Variants in LRRC4C observed in about 807,000 individuals in gnomAD.
LRRC4C encodes leucine rich repeat containing 4C.
A neutral mutation model predicts 33.6 loss-of-function variants in LRRC4C; 5 were observed. That is an observed-to-expected ratio of 0.15 (90% confidence interval 0.08 to 0.31). LRRC4C has a LOEUF of 0.31. LRRC4C is among the 10% of genes least tolerant of loss of function. LRRC4C has a pLI of 1.00. For missense variants in LRRC4C, 560 were observed against 796.7 expected, an observed-to-expected ratio of 0.70 and a Z score of 3.58; for synonymous variants, 329 against 302.0, an observed-to-expected ratio of 1.09 and a Z score of -0.93.
intron 1 of LRRC4C, among the ~76,000 whole-genome samples, chr11:41,123,612 C>A (rs1189604937): frequency 6.6e-6 from 1 of 152,050 alleles, no homozygotes; most frequent in Non-Finnish European, 1.5e-5. Flanking sequence ...CTGGTTCTAG[C>A]TTTGTCCTCA....
At chr11:40,960,895 C>T (rs531012330) in intron 1 of LRRC4C, among the ~76,000 whole-genome samples, 25 of 151,794 alleles carry the variant, frequency 1.6e-4, no homozygotes, top group Middle Eastern at 3.4e-3. Context: ...GGAAGTTCCA[C>T]GAACAGCTCA....
chr11:41,101,585 G>A (rs1050352488), intron 1 of LRRC4C, among the ~76,000 whole-genome samples: 9 of 152,200 alleles, frequency 5.9e-5, no homozygotes, highest in African/African-American at 1.7e-4. Flanking sequence ...GGTAAGCAAT[G>A]TGGTGATTCC....
intron 1 of LRRC4C, among the ~76,000 whole-genome samples, chr11:41,402,875 A>C (rs1954078659): frequency 6.6e-6 from 1 of 152,088 alleles, no homozygotes; most frequent in African/African-American, 2.4e-5. Flanking sequence ...ATTATGTATT[A>C]TTACAGCATT....
At chr11:41,379,070 T>C (rs1175973994) in intron 1 of LRRC4C, among the ~76,000 whole-genome samples, 1 of 152,092 alleles carries the variant, frequency 6.6e-6, no homozygotes, top group African/African-American at 2.4e-5. Flanking sequence ...CACACATACT[T>C]ATACCCACAC....
intron 3 of LRRC4C, among the ~76,000 whole-genome samples, chr11:40,325,213 A>G (rs1284943155): frequency 1.3e-5 from 2 of 152,212 alleles, no homozygotes; most frequent in African/African-American, 2.4e-5. Context: ...CAACAGTGCA[A>G]AATTTCTGAA....
intron 1 of LRRC4C, among the ~76,000 whole-genome samples, chr11:41,346,239 G>T (rs1329342181): frequency 6.6e-6 from 1 of 152,162 alleles, no homozygotes; most frequent in African/African-American, 2.4e-5. Flanking sequence ...AGAAGGTGGT[G>T]CTCCTTAAAA....
intron 2 of LRRC4C, among the ~76,000 whole-genome samples, chr11:40,897,046 C>T (rs1373155932): frequency 1.3e-5 from 2 of 152,170 alleles, no homozygotes; most frequent in Non-Finnish European, 2.9e-5. Context: ...TTCTAACACT[C>T]TGAAATATGT....
chr11:41,183,480 T>A (rs559558876), intron 1 of LRRC4C, among the ~76,000 whole-genome samples: 9 of 152,220 alleles, frequency 5.9e-5, no homozygotes, highest in Admixed American at 2.0e-4. Context: ...GTCAGTCAGA[T>A]CTTAGAGCTC....
intron 1 of LRRC4C, among the ~76,000 whole-genome samples, chr11:41,082,712 C>G (rs1171947256): frequency 1.3e-5 from 2 of 152,150 alleles, no homozygotes; most frequent in Non-Finnish European, 2.9e-5. Flanking sequence ...TCTATACACT[C>G]CTTCCTTGTT....
At chr11:41,401,150 G>C (rs574971272) in intron 1 of LRRC4C, among the ~76,000 whole-genome samples, 2 of 151,972 alleles carry the variant, frequency 1.3e-5, no homozygotes, top group Admixed American at 6.6e-5. Flanking sequence ...CAGCAGAAGA[G>C]GAAATTTTGT....
intron 1 of LRRC4C, among the ~76,000 whole-genome samples, chr11:41,341,208 G>A (rs1326318220): frequency 6.6e-6 from 1 of 152,130 alleles, no homozygotes; most frequent in Non-Finnish European, 1.5e-5. Context: ...GAAAAAGACT[G>A]ATAGCTCTCT....
At chr11:41,388,210 C>G (rs1953437497) in intron 1 of LRRC4C, among the ~76,000 whole-genome samples, 1 of 151,594 alleles carries the variant, frequency 6.6e-6, no homozygotes, top group African/African-American at 2.4e-5. Context: ...GAATAATATA[C>G]AGAGAAATAG....
intron 2 of LRRC4C, among the ~76,000 whole-genome samples, chr11:40,654,116 G>C (rs530359476): frequency 6.6e-6 from 1 of 152,200 alleles, no homozygotes; most frequent in African/African-American, 2.4e-5. Flanking sequence ...TTGCTGAGGG[G>C]CATAGCCCTC....
At chr11:40,389,073 T>C (rs1261511092) in intron 3 of LRRC4C, among the ~76,000 whole-genome samples, 1 of 152,170 alleles carries the variant, frequency 6.6e-6, no homozygotes, top group Non-Finnish European at 1.5e-5. Flanking sequence ...TTGAGTACTG[T>C]ACTGGATGCA....
intron 1 of LRRC4C, among the ~76,000 whole-genome samples, chr11:41,425,237 A>T (rs1954999831): frequency 1.3e-5 from 2 of 152,068 alleles, no homozygotes; most frequent in South Asian, 4.1e-4. Context: ...TGTAAATACC[A>T]GAAAGACTGA....
chr11:40,839,760 G>T lies in LRRC4C; in HGVS notation c.-407+93875C>A, dbSNP rs372909103. On this transcript the variant is annotated intron_variant, in intron 2 of 6. Transcript: ENST00000528697. ...TAAACGCTAAGGCAGTGACTTACAG[G>T]GTCACTTACCAAGTGGAATGAAGAA... Among the ~76,000 whole-genome samples the T allele has an allele frequency of 1.8e-4, 28 of 152,210 alleles. No homozygotes were observed. In the South Asian group the frequency reaches 5.2e-3, roughly 28 times the overall value.
At chr11:40,294,330 T>G (rs1019222740) in intron 4 of LRRC4C, among the ~76,000 whole-genome samples, 6 of 152,040 alleles carry the variant, frequency 3.9e-5, no homozygotes, top group African/African-American at 1.4e-4. Context: ...GTTCAGGCTG[T>G]GTGGGAGAAG....
intron 3 of LRRC4C, among the ~76,000 whole-genome samples, chr11:40,588,860 G>T (rs960956074): frequency 1.3e-5 from 2 of 152,084 alleles, no homozygotes; most frequent in Non-Finnish European, 1.5e-5. Flanking sequence ...TATAGTTTCT[G>T]TTCTTTTACA....
At chr11:41,363,547 T>C (rs1591356516) in intron 1 of LRRC4C, among the ~76,000 whole-genome samples, 1 of 152,208 alleles carries the variant, frequency 6.6e-6, no homozygotes, top group African/African-American at 2.4e-5. Flanking sequence ...TTTAGTAGCA[T>C]AAATTAAATC....
Sources: allele counts gnomAD v4.1 joint callset (sites outside exome capture counted in the v4.1 genomes callset), GRCh38; gene constraint gnomAD v4.1.1; transcripts MANE v1.5; gene names NCBI Gene and HGNC (gene_info 2026-07-23, HGNC 2026-07-21).